IL1RAPL2: variants seen among roughly 807,000 people sequenced by gnomAD.
IL1RAPL2 encodes the protein X-linked interleukin-1 receptor accessory protein-like 2.
In IL1RAPL2, 3 loss-of-function variants were observed where a neutral mutation model predicts 44.1. The ratio of observed to expected loss-of-function variants is 0.07; its 90% confidence interval spans 0.03 to 0.18. The LOEUF (loss-of-function observed/expected upper bound fraction) is 0.18. Ranked by LOEUF, IL1RAPL2 falls within the 10% of genes least tolerant of loss-of-function variation. The probability of loss-of-function intolerance (pLI) is 1.00; values close to 1 mark genes in which losing one functional copy is unlikely to be tolerated. For missense variants in IL1RAPL2, 391 were observed against 496.4 expected (o/e 0.79, Z 2.02); for synonymous variants, 181 against 178.8 (o/e 1.01, Z -0.10).
chrX:105,456,572 G>A (rs1011426661), intron 5 of IL1RAPL2, among the ~76,000 whole-genome samples: 2 of 111,275 alleles, frequency 1.8e-5, no homozygotes, highest in Non-Finnish European at 3.8e-5. Context: ...CATCTATTGA[G>A]GTAATCATGT....
chrX:104,789,403 C>A (rs1334438367), intron 2 of IL1RAPL2, among the ~76,000 whole-genome samples: 1 of 111,539 alleles, frequency 9.0e-6, no homozygotes, highest in Non-Finnish European at 1.9e-5. Context: ...AGTTGGTTTT[C>A]TGTGGAAATA....
At chrX:105,301,223 G>T (rs2034695145) in intron 5 of IL1RAPL2, among the ~76,000 whole-genome samples, 1 of 111,458 alleles carries the variant, frequency 9.0e-6, no homozygotes, top group South Asian at 3.8e-4. Context: ...AGTGCAGCAA[G>T]AGTAATTATT....
chrX:104,915,479 T>A (rs773784332), intron 2 of IL1RAPL2, among the ~76,000 whole-genome samples: 320 of 111,872 alleles, frequency 2.9e-3, no homozygotes, highest in Non-Finnish European at 4.8e-3. Context: ...CTTTGTCAGA[T>A]GAGTAGATTG....
intron 2 of IL1RAPL2, among the ~76,000 whole-genome samples, chrX:104,924,322 G>T (rs1301580481): frequency 6.3e-5 from 7 of 111,574 alleles, no homozygotes; most frequent in African/African-American, 2.3e-4. Context: ...AGAAACTCTG[G>T]ACTTAAACTG....
rs750467253 is a variant in IL1RAPL2 at position 105,021,530 on chromosome X, T to C, written c.83-173945T>C. Among the ~76,000 whole-genome samples, 534 of 111,131 alleles carry C rather than the reference T, an allele frequency of 4.8e-3. 3 individuals carry two copies. The highest frequency in any genetic ancestry group is 0.017 in the African/African-American group (513 of 30,652). On this transcript the variant is annotated intron_variant, in intron 2 of 10. Transcript: ENST00000372582. ...CTTCTCAGTCCATCAGCAGTGCAAT[T>C]CTTCCCAAAACACCAGCCAGCACTG...
chrX:105,687,251 C>CA lies in IL1RAPL2; in HGVS notation c.773-30106dup, dbSNP rs58129747. Among the ~76,000 whole-genome samples the CA allele has an allele frequency of 7.1e-3, 717 of 100,976 alleles. 6 individuals are homozygous for CA. The highest frequency in any genetic ancestry group is 0.023 in the African/African-American group (633 of 27,558). The allele number at this position is 100,976 out of a possible 115,157, so 87.7% of individuals were successfully genotyped here. A position where few individuals can be genotyped will look rare whatever the true frequency, so the allele number is the denominator to read the frequency against. On this transcript the variant is annotated intron_variant, in intron 6 of 10. Transcript: ENST00000372582. ...AGCAGAAATGAAAGAGATAGAGACACAAAAAAAAAACCCTTCAAAAAATCA... is the reference window on the plus strand; with the variant it reads ...AGCAGAAATGAAAGAGATAGAGACACAAAAAAAAAAACCCTTCAAAAAATCA...
chrX:105,231,668 T>C (rs781805171), intron 3 of IL1RAPL2, among the ~76,000 whole-genome samples: 1 of 111,890 alleles, frequency 8.9e-6, no homozygotes, highest in Admixed American at 9.5e-5. Flanking sequence ...AATAAACAAA[T>C]ATTAGAAGAT....
At chrX:105,033,620 T>A (rs1206772308) in intron 2 of IL1RAPL2, among the ~76,000 whole-genome samples, 14 of 111,914 alleles carry the variant, frequency 1.3e-4, no homozygotes, top group Non-Finnish European at 2.6e-4. Flanking sequence ...CTTCCCTTTG[T>A]GTGTAACCCA....
chrX:104,649,276 T>C (rs1930107558), intron 1 of IL1RAPL2, among the ~76,000 whole-genome samples: 1 of 111,973 alleles, frequency 8.9e-6, no homozygotes, highest in South Asian at 3.7e-4. Flanking sequence ...TATGCAGTTA[T>C]TTTCAAATGA....
At chrX:104,640,423 GTTGTA>G (rs1168945868) in intron 1 of IL1RAPL2, among the ~76,000 whole-genome samples, 1 of 111,513 alleles carries the variant, frequency 9.0e-6, no homozygotes, top group African/African-American at 3.3e-5. Flanking sequence ...GTGTATCTGA[GTTGTA>G]TTGTACCTCA....
At chrX:105,119,273 C>CA (rs1469004851) in intron 2 of IL1RAPL2, among the ~76,000 whole-genome samples, 3 of 110,509 alleles carry the variant, frequency 2.7e-5, no homozygotes, top group Non-Finnish European at 5.7e-5. Flanking sequence ...TATATGATTG[C>CA]AAAAAACAGG....
chrX:104,634,601 G>A (rs1240712039), intron 1 of IL1RAPL2, among the ~76,000 whole-genome samples: 13 of 111,647 alleles, frequency 1.2e-4, no homozygotes, highest in Admixed American at 9.5e-5. Context: ...TTATGGAATG[G>A]CCTTCTTTGT....
At chrX:105,453,683 AT>A (rs1166263731) in intron 5 of IL1RAPL2, among the ~76,000 whole-genome samples, 6 of 111,690 alleles carry the variant, frequency 5.4e-5, no homozygotes, top group African/African-American at 2.0e-4. Flanking sequence ...CATTCTCCCA[AT>A]TCCCTTCCTC....
chrX:105,221,504 A>C (rs1400951679), intron 3 of IL1RAPL2, among the ~76,000 whole-genome samples: 1 of 111,640 alleles, frequency 9.0e-6, no homozygotes, highest in Non-Finnish European at 1.9e-5. Flanking sequence ...ATGAGAAGTG[A>C]ATTTTTATAG....
At chrX:105,494,493 A>G (rs1337088704) in intron 6 of IL1RAPL2, among the ~76,000 whole-genome samples, 1 of 111,844 alleles carries the variant, frequency 8.9e-6, no homozygotes. Context: ...GGGTATTCTC[A>G]TAATTGAGGT....
chrX:104,991,397 A>G lies in IL1RAPL2; in HGVS notation c.83-204078A>G, dbSNP rs747507789. The stretch of plus-strand genomic sequence containing the variant: ...GAGGAAGGTTAAGAGTCTTAGAATC[A>G]GGCCCCAACAGAAAATTGAGATAAT... On this transcript the variant is annotated intron_variant, in intron 2 of 10. Coordinates refer to ENST00000372582, the MANE Select transcript of IL1RAPL2 (RefSeq NM_017416.2). Among the ~76,000 whole-genome samples, 7 of 111,336 alleles carry G rather than the reference A, an allele frequency of 6.3e-5. No homozygotes were observed. The South Asian group carries it at 2.6e-3, about 42-fold the overall frequency.
At chrX:105,327,010 A>AT (rs2034943989) in intron 5 of IL1RAPL2, among the ~76,000 whole-genome samples, 1 of 112,414 alleles carries the variant, frequency 8.9e-6, no homozygotes, top group Admixed American at 9.5e-5. Flanking sequence ...TCTGACACCA[A>AT]GTGAGAGAGA....
At chrX:105,002,957 G>C (rs1480816596) in intron 2 of IL1RAPL2, among the ~76,000 whole-genome samples, 1 of 111,332 alleles carries the variant, frequency 9.0e-6, no homozygotes, top group Non-Finnish European at 1.9e-5. Flanking sequence ...GAGTTGCTGA[G>C]ATTGGTAAAG....
At chrX:104,811,360 C>A (rs141842524) in intron 2 of IL1RAPL2, among the ~76,000 whole-genome samples, 2 of 111,411 alleles carry the variant, frequency 1.8e-5, no homozygotes, top group Non-Finnish European at 3.8e-5. Context: ...TTGGTGATTA[C>A]GGAAGCCAGA....
Sources: allele counts gnomAD v4.1 joint callset (sites outside exome capture counted in the v4.1 genomes callset), GRCh38; gene constraint gnomAD v4.1.1; transcripts MANE v1.5; gene names NCBI Gene and HGNC (gene_info 2026-07-23, HGNC 2026-07-21).